NPAS3: variants seen among roughly 807,000 people sequenced by gnomAD.
The protein encoded by NPAS3 is neuronal PAS domain protein 3.
NPAS3 carries 14 observed loss-of-function variants against 73.1 expected under a neutral mutation model. The ratio of observed to expected loss-of-function variants is 0.19; its 90% CI spans 0.13 to 0.30. NPAS3 has a LOEUF of 0.30. Ranked by LOEUF, NPAS3 falls within the 10% of genes least tolerant of loss-of-function variation. The pLI, the probability that NPAS3 is intolerant of heterozygous loss-of-function variation, is 1.00. For synonymous variants in NPAS3, 620 were observed against 541.5 expected (o/e 1.14, Z -2.01); for missense variants, 1,096 against 1,250.0 (o/e 0.88, Z 1.86).
At chr14:33,241,455 C>G (rs1227186139) in intron 3 of NPAS3, among the ~76,000 whole-genome samples, 1 of 151,900 alleles carries the variant, frequency 6.6e-6, no homozygotes, top group African/African-American at 2.4e-5. Context: ...TCTCTATGAT[C>G]AGAATATTAC....
At chr14:32,956,177 A>G (rs2036662571) in intron 1 of NPAS3, among the ~76,000 whole-genome samples, 1 of 152,186 alleles carries the variant, frequency 6.6e-6, no homozygotes, top group Non-Finnish European at 1.5e-5. Flanking sequence ...TTATAATTCC[A>G]TAAAATTTGA....
chr14:33,498,136 T>G (rs1254418650), intron 4 of NPAS3, among the ~76,000 whole-genome samples: 1 of 152,128 alleles, frequency 6.6e-6, no homozygotes, highest in Non-Finnish European at 1.5e-5. Context: ...TCAAAACTGC[T>G]ATGAGATGCT....
intron 2 of NPAS3, among the ~76,000 whole-genome samples, chr14:33,119,666 G>A (rs1177492801): frequency 2.6e-5 from 4 of 152,082 alleles, no homozygotes; most frequent in African/African-American, 9.7e-5. Context: ...CGTGCACCAG[G>A]AAAATGATGA....
intron 2 of NPAS3, among the ~76,000 whole-genome samples, chr14:33,208,217 C>A (rs1287547959): frequency 6.6e-6 from 1 of 151,906 alleles, no homozygotes; most frequent in East Asian, 1.9e-4. Context: ...CCAAAGCATA[C>A]AATGAATAGT....
intron 2 of NPAS3, among the ~76,000 whole-genome samples, chr14:33,095,656 G>GTTT (rs2042381309): frequency 8.9e-6 from 1 of 112,036 alleles, no homozygotes; most frequent in African/African-American, 4.1e-5. Context: ...GGCATTCTCT[G>GTTT]CTTTTATTTT....
intron 2 of NPAS3, among the ~76,000 whole-genome samples, chr14:33,117,333 T>G (rs1267259362): frequency 2.0e-5 from 3 of 152,224 alleles, no homozygotes; most frequent in Middle Eastern, 3.4e-3. Flanking sequence ...GCTGTACTTA[T>G]AGACTTACCT....
intron 4 of NPAS3, among the ~76,000 whole-genome samples, chr14:33,380,689 G>T (rs1005329495): frequency 6.6e-6 from 1 of 152,144 alleles, no homozygotes; most frequent in Non-Finnish European, 1.5e-5. Flanking sequence ...GAGAATTAGT[G>T]AAATTATTAT....
intron 1 of NPAS3, among the ~76,000 whole-genome samples, chr14:32,970,868 CCTT>C (rs1268948048): frequency 5.3e-5 from 8 of 152,086 alleles, no homozygotes; most frequent in African/African-American, 1.9e-4. Context: ...ACCTTAATGA[CCTT>C]CTTTTAACGG....
At chr14:33,023,042 A>G (rs1282170616) in intron 1 of NPAS3, among the ~76,000 whole-genome samples, 1 of 152,132 alleles carries the variant, frequency 6.6e-6, no homozygotes, top group Non-Finnish European at 1.5e-5. Context: ...CCTCAAAGAC[A>G]TCTGTACTCT....
At chr14:33,705,993 T>C (rs1197382054) in intron 6 of NPAS3, among the ~76,000 whole-genome samples, 1 of 152,186 alleles carries the variant, frequency 6.6e-6, no homozygotes, top group East Asian at 1.9e-4. Flanking sequence ...CAGTGATGTG[T>C]TATTAGCCTA....
chr14:33,358,838 T>A (rs1830569512), intron 3 of NPAS3, among the ~76,000 whole-genome samples: 1 of 152,240 alleles, frequency 6.6e-6, no homozygotes, highest in South Asian at 2.1e-4. Context: ...CTTATATCCC[T>A]AGCACCTTGG....
At chr14:33,314,148 G>C (rs578191227) in intron 3 of NPAS3, among the ~76,000 whole-genome samples, 2 of 151,878 alleles carry the variant, frequency 1.3e-5, no homozygotes, top group Non-Finnish European at 2.9e-5. Flanking sequence ...AGTGATAATA[G>C]GTAGAATTTT....
chr14:33,121,107 T>C (rs1462533433), intron 2 of NPAS3, among the ~76,000 whole-genome samples: 1 of 152,034 alleles, frequency 6.6e-6, no homozygotes, highest in African/African-American at 2.4e-5. Context: ...GTCAGTCTTA[T>C]GCACACTGAC....
chr14:33,132,896 T>A (rs1372619847), intron 2 of NPAS3, among the ~76,000 whole-genome samples: 1 of 152,178 alleles, frequency 6.6e-6, no homozygotes, highest in East Asian at 1.9e-4. Context: ...TTAATTCTCA[T>A]ATGAACCATG....
At chr14:33,202,719 T>G (rs1343425897) in intron 2 of NPAS3, among the ~76,000 whole-genome samples, 2 of 147,482 alleles carry the variant, frequency 1.4e-5, no homozygotes, top group African/African-American at 5.1e-5. Flanking sequence ...TTTTTTTTTT[T>G]GAAAAATAAA....
At chr14:33,720,519 A>G (rs1341702793) in intron 6 of NPAS3, among the ~76,000 whole-genome samples, 1 of 152,212 alleles carries the variant, frequency 6.6e-6, no homozygotes, top group Admixed American at 6.5e-5. Context: ...TGAACAGGTT[A>G]GAAAGTAAAT....
chr14:33,618,816 T>G (rs1243345446), intron 5 of NPAS3, among the ~76,000 whole-genome samples: 1 of 152,228 alleles, frequency 6.6e-6, no homozygotes, highest in Non-Finnish European at 1.5e-5. Flanking sequence ...AAGCTTAGTT[T>G]TCTAGTAAGT....
chr14:33,471,512 C>CT (rs1179330731), intron 4 of NPAS3, among the ~76,000 whole-genome samples: 7 of 152,082 alleles, frequency 4.6e-5, no homozygotes, highest in African/African-American at 1.4e-4. Context: ...TGCCCTGGCT[C>CT]TTTTACCCAT....
intron 6 of NPAS3, among the ~76,000 whole-genome samples, chr14:33,734,122 A>G (rs925017874): frequency 2.0e-5 from 3 of 152,146 alleles, no homozygotes; most frequent in African/African-American, 7.2e-5. Flanking sequence ...TTTATTACAC[A>G]TATTTCTTTG....
Sources: gnomAD v4.1 joint callset for allele counts (sites outside exome capture counted in the v4.1 genomes callset) on GRCh38, gnomAD v4.1.1 for gene constraint, MANE v1.5 for transcripts, NCBI Gene and HGNC (gene_info 2026-07-23, HGNC 2026-07-21) for gene names.